Variants in ZFAND3 observed in about 807,000 individuals in gnomAD.
ZFAND3 encodes the protein zinc finger AN1-type containing 3, also known as AN1-type zinc finger protein 3.
ZFAND3 carries 10 observed loss-of-function variants against 29.6 expected under a neutral mutation model. The observed-to-expected ratio is 0.34, with a 90% CI of 0.21 to 0.57. The LOEUF (loss-of-function observed/expected upper bound fraction) is 0.57. Ranked by LOEUF, ZFAND3 falls within the 20% of genes least tolerant of loss-of-function variation. ZFAND3 has a pLI of 0.86. For missense variants in ZFAND3, 230 were observed against 304.5 expected, an observed-to-expected ratio of 0.76 and a Z score of 1.82; for synonymous variants, 128 against 112.6, an observed-to-expected ratio of 1.14 and a Z score of -0.87.
chr6:38,139,985 C>T (rs529140946), intron 5 of ZFAND3, among the ~76,000 whole-genome samples: 39 of 152,272 alleles, frequency 2.6e-4, no homozygotes, highest in South Asian at 6.2e-4. Flanking sequence ...CCACAAGACT[C>T]GGTAATTGAA....
At chr6:37,930,127 T>C in intron 2 of ZFAND3, 128 bp downstream of exon 2, 1 of 938,078 alleles carries the variant, frequency 1.1e-6, no homozygotes, top group Non-Finnish European at 1.5e-6. Flanking sequence ...TCTTAGCTTG[T>C]GTGAGAAAGC....
chr6:37,870,679 T>A (rs1009730674), intron 1 of ZFAND3, among the ~76,000 whole-genome samples: 1 of 151,558 alleles, frequency 6.6e-6, no homozygotes, highest in Non-Finnish European at 1.5e-5. Flanking sequence ...ACTAAGAAAT[T>A]AGTAATTCTT....
rs1554183959 is a variant in ZFAND3 at position 38,144,199 on chromosome 6, A to ATAT, written c.530-8035_530-8033dup. On this transcript the variant is annotated intron_variant, in intron 5 of 5. Coordinates refer to ENST00000287218, the MANE Select transcript of ZFAND3 (RefSeq NM_021943.3). ...ATATATATATAATATATATATATAT[A>ATAT]TATATATATATAATATATAATATAT... 5.7e-4 allele frequency among the ~76,000 whole-genome samples: 20 copies of ATAT among 35,268 alleles called. 1 individual carries two copies. The highest frequency in any genetic ancestry group is 3.5e-3 in the Admixed American group (16 of 4,614). The allele number at this position is 35,268 out of a possible 152,430, so 23.1% of individuals were successfully genotyped here. A position where few individuals can be genotyped will look rare whatever the true frequency, so the allele number is the denominator to read the frequency against.
intron 3 of ZFAND3, among the ~76,000 whole-genome samples, chr6:38,068,475 T>C (rs1444799147): frequency 6.6e-6 from 1 of 152,176 alleles, no homozygotes; most frequent in East Asian, 1.9e-4. Context: ...AAACCCTGTT[T>C]TACAGAGTTC....
chr6:37,861,579 C>T (rs1764491686), intron 1 of ZFAND3, among the ~76,000 whole-genome samples: 1 of 152,204 alleles, frequency 6.6e-6, no homozygotes, highest in Admixed American at 6.5e-5. Context: ...TGAGTGTCTA[C>T]ATTTCACAGG....
At position 37,944,989 on chromosome 6, in the gene ZFAND3, A is replaced by G. The variant is rs1454167458; in HGVS notation, c.112+14990A>G. Among the ~76,000 whole-genome samples the G allele has an allele frequency of 2.6e-5, 4 of 152,204 alleles. No homozygotes were observed. In the East Asian group the frequency reaches 7.7e-4, roughly 29 times the overall value. On this transcript the variant is annotated intron_variant, in intron 2 of 5. Coordinates refer to ENST00000287218, the MANE Select transcript of ZFAND3 (RefSeq NM_021943.3). ...AGTATTCATGAAGATTTCTGGAAAA[A>G]GGTGAAAATTTCTCAACTTTAGTGC...
At chr6:37,895,280 A>G (rs1269209086) in intron 1 of ZFAND3, among the ~76,000 whole-genome samples, 2 of 151,242 alleles carry the variant, frequency 1.3e-5, no homozygotes, top group Non-Finnish European at 2.9e-5. Flanking sequence ...AATTTCATCC[A>G]GTGTTTTTAT....
chr6:37,870,992 TCTC>T (rs1420237796), intron 1 of ZFAND3, among the ~76,000 whole-genome samples: 1 of 152,236 alleles, frequency 6.6e-6, no homozygotes, highest in African/African-American at 2.4e-5. Context: ...GTTTCATTGA[TCTC>T]CTAGAACCTG....
At chr6:37,883,628 T>A (rs1386472214) in intron 1 of ZFAND3, among the ~76,000 whole-genome samples, 1 of 143,764 alleles carries the variant, frequency 7.0e-6, no homozygotes, top group Non-Finnish European at 1.5e-5. Flanking sequence ...CTGCAACCTC[T>A]GCCTCCTGGG....
chr6:37,862,388 T>C (rs1764508706), intron 1 of ZFAND3, among the ~76,000 whole-genome samples: 1 of 151,964 alleles, frequency 6.6e-6, no homozygotes, highest in African/African-American at 2.4e-5. Context: ...CGAGTTGGAA[T>C]TTAAATCTGC....
intron 1 of ZFAND3, among the ~76,000 whole-genome samples, chr6:37,827,808 G>T (rs1282042229): frequency 6.6e-6 from 1 of 152,194 alleles, no homozygotes; most frequent in African/African-American, 2.4e-5. Context: ...AGGCAAGTTC[G>T]AATTTATTAG....
At chr6:37,842,287 A>G (rs1764093074) in intron 1 of ZFAND3, among the ~76,000 whole-genome samples, 1 of 152,102 alleles carries the variant, frequency 6.6e-6, no homozygotes, top group African/African-American at 2.4e-5. Flanking sequence ...AAGGTTCCTC[A>G]TGTCCCTTCC....
chr6:37,935,181 A>C (rs182586602), intron 2 of ZFAND3, among the ~76,000 whole-genome samples: 57 of 152,254 alleles, frequency 3.7e-4, no homozygotes, highest in African/African-American at 1.3e-3. Context: ...TTGCATTTTG[A>C]AGTTGTGGAG....
chr6:38,002,755 G>A (rs964616629), intron 2 of ZFAND3: 1 of 152,140 alleles, frequency 6.6e-6, no homozygotes, highest in African/African-American at 2.4e-5. Context: ...AAAGGAAAAA[G>A]CAATCAGTAC....
At chr6:38,009,717 A>T (rs979425931) in intron 2 of ZFAND3, among the ~76,000 whole-genome samples, 8 of 152,202 alleles carry the variant, frequency 5.3e-5, no homozygotes, top group Non-Finnish European at 1.0e-4. Context: ...TCCAATAGAA[A>T]TACAGAAACC....
intron 2 of ZFAND3, 42 bp downstream of exon 2, chr6:37,930,041 C>CTT: frequency 6.8e-7 from 1 of 1,471,206 alleles, no homozygotes; most frequent in Non-Finnish European, 9.1e-7. Context: ...TTTCATTTTT[C>CTT]TTTCTTTTTT....
At chr6:38,052,002 A>C (rs769302824) in intron 2 of ZFAND3, among the ~76,000 whole-genome samples, 1 of 152,180 alleles carries the variant, frequency 6.6e-6, no homozygotes, top group Non-Finnish European at 1.5e-5. Flanking sequence ...TTGCTAGTTC[A>C]CACCTCTGAG....
At chr6:37,952,657 T>C (rs535118465) in intron 2 of ZFAND3, among the ~76,000 whole-genome samples, 1 of 152,222 alleles carries the variant, frequency 6.6e-6, no homozygotes, top group African/African-American at 2.4e-5. Flanking sequence ...CAAATGTCTG[T>C]GGGGGTCCTG....
intron 2 of ZFAND3, among the ~76,000 whole-genome samples, chr6:38,051,168 A>G (rs1346634883): frequency 6.6e-6 from 1 of 152,016 alleles, no homozygotes; most frequent in Admixed American, 6.6e-5. Flanking sequence ...CCCACCACCT[A>G]GGCTTTTCCC....
Sources: allele counts gnomAD v4.1 joint callset (sites outside exome capture counted in the v4.1 genomes callset), GRCh38; gene constraint gnomAD v4.1.1; transcripts MANE v1.5; gene names NCBI Gene and HGNC (gene_info 2026-07-23, HGNC 2026-07-21).